WWC2: variants seen among roughly 807,000 people sequenced by gnomAD.
WWC2 encodes protein WWC2.
WWC2 carries 101 observed loss-of-function variants against 138.5 expected under a neutral mutation model. The observed-to-expected ratio is 0.73, with a 90% CI of 0.62 to 0.86. The LOEUF is 0.86. WWC2 is among the 40% of genes least tolerant of loss of function. The pLI is 0.00. For missense variants in WWC2, 1,420 were observed against 1,419.4 expected (o/e 1.00, Z -0.01); for synonymous variants, 558 against 538.4 (o/e 1.04, Z -0.50).
intron 21 of WWC2, among the ~76,000 whole-genome samples, chr4:183,296,933 CAAAAAAAAAAAAAAAAAAA>C (rs776211338): frequency 8.5e-5 from 6 of 70,766 alleles, no homozygotes; most frequent in Non-Finnish European, 1.2e-4. Flanking sequence ...GACTCCGTCT[CAAAAAAAAAAAAAAAAAAA>C]AAAAAAAAAA....
chr4:183,228,610 T>TA (rs777582872), intron 4 of WWC2, among the ~76,000 whole-genome samples: 1 of 152,118 alleles, frequency 6.6e-6, no homozygotes, highest in African/African-American at 2.4e-5. Flanking sequence ...GAAATTCATT[T>TA]AAAAAATAAC....
intron 6 of WWC2, among the ~76,000 whole-genome samples, chr4:183,246,994 A>T (rs2111326487): frequency 6.6e-6 from 1 of 152,338 alleles, no homozygotes; most frequent in African/African-American, 2.4e-5. Flanking sequence ...ATTAAATTAA[A>T]AGATTAGATC....
intron 1 of WWC2, among the ~76,000 whole-genome samples, chr4:183,118,045 A>G (rs894662299): frequency 2.7e-5 from 4 of 146,136 alleles, no homozygotes; most frequent in East Asian, 2.1e-4. Flanking sequence ...TGATCCACCC[A>G]CCTTGGCCTC....
At chr4:183,173,648 C>A (rs1017249875) in intron 1 of WWC2, among the ~76,000 whole-genome samples, 1 of 151,800 alleles carries the variant, frequency 6.6e-6, no homozygotes, top group Admixed American at 6.6e-5. Context: ...TCTCCCCTAC[C>A]TGGATGATCG....
In WWC2 at chr4:183,159,765, T is replaced by G. The variant is rs1360709713; in HGVS notation, c.132-33834T>G. On this transcript the variant is annotated intron_variant, in intron 1 of 22. Coordinates refer to ENST00000403733, the MANE Select transcript of WWC2 (RefSeq NM_024949.6). ...AATTGTTTACAATACATTAATTTTG[T>G]GGAGTAATGTATTTCAAAGCAAAAA... Among the ~76,000 whole-genome samples, 9 of 151,900 alleles carry G rather than the reference T, an allele frequency of 5.9e-5. No individual in the cohort carries two copies. In the East Asian group the frequency reaches 7.7e-4, roughly 13 times the overall value.
chr4:183,162,439 G>A (rs932407116), intron 1 of WWC2, among the ~76,000 whole-genome samples: 6 of 152,138 alleles, frequency 3.9e-5, no homozygotes, highest in African/African-American at 1.4e-4. Context: ...TGCAAAGCAA[G>A]GACTGCCTTT....
chr4:183,164,167 G>C (rs2111146553), intron 1 of WWC2, among the ~76,000 whole-genome samples: 1 of 150,950 alleles, frequency 6.6e-6, no homozygotes, highest in South Asian at 2.1e-4. Flanking sequence ...ATTTCATTTA[G>C]TAAGATTGCA....
intron 16 of WWC2, among the ~76,000 whole-genome samples, chr4:183,273,208 A>G (rs1737748282): frequency 7.0e-6 from 1 of 142,582 alleles, no homozygotes; most frequent in Non-Finnish European, 1.5e-5. Context: ...TGAGCATCAC[A>G]GCCTTATTGG....
chr4:183,311,952 C>A (rs1181156766), intron 21 of WWC2, among the ~76,000 whole-genome samples: 4 of 152,000 alleles, frequency 2.6e-5, no homozygotes, highest in Admixed American at 6.6e-5. Flanking sequence ...TAAAAAGGGT[C>A]AAAAAGATAA....
chr4:183,166,674 A>G (rs1734138765), intron 1 of WWC2, among the ~76,000 whole-genome samples: 1 of 152,216 alleles, frequency 6.6e-6, no homozygotes, highest in African/African-American at 2.4e-5. Flanking sequence ...TTGAATATGT[A>G]TAATGTGTGT....
chr4:183,149,380 T>C (rs77374717), intron 1 of WWC2, among the ~76,000 whole-genome samples: 1 of 152,174 alleles, frequency 6.6e-6, no homozygotes, highest in Non-Finnish European at 1.5e-5. Context: ...CCCAGCACTT[T>C]GGGAGGCCGA....
At chr4:183,213,989 G>T (rs1272570615) in intron 4 of WWC2, among the ~76,000 whole-genome samples, 1 of 151,332 alleles carries the variant, frequency 6.6e-6, no homozygotes, top group Admixed American at 6.6e-5. Flanking sequence ...ATTTTGTGGA[G>T]AAAGTTTTTG....
At chr4:183,219,673 A>G (rs1376924598) in intron 4 of WWC2, among the ~76,000 whole-genome samples, 1 of 152,226 alleles carries the variant, frequency 6.6e-6, no homozygotes, top group African/African-American at 2.4e-5. Context: ...GACTATTCAT[A>G]AAGTAGTGAC....
chr4:183,205,335 C>G (rs1408749360), intron 2 of WWC2, among the ~76,000 whole-genome samples: 4 of 152,204 alleles, frequency 2.6e-5, no homozygotes, highest in Non-Finnish European at 5.9e-5. Context: ...CTCCTTTCAT[C>G]TGCTTACTGG....
intron 1 of WWC2, among the ~76,000 whole-genome samples, chr4:183,167,818 T>G (rs1734166921): frequency 6.6e-6 from 1 of 151,754 alleles, no homozygotes; most frequent in Non-Finnish European, 1.5e-5. Context: ...AATGCCAGAC[T>G]AGATACCTTG....
intron 21 of WWC2, among the ~76,000 whole-genome samples, chr4:183,291,097 G>A (rs1321956053): frequency 6.6e-6 from 1 of 152,218 alleles, no homozygotes; most frequent in East Asian, 1.9e-4. Flanking sequence ...CCTTACATTT[G>A]CCACAGCAGT....
chr4:183,149,980 CTGGGTTGCTGGGATTTACTAGCTAT>C (rs889660732), intron 1 of WWC2, among the ~76,000 whole-genome samples: 7 of 152,156 alleles, frequency 4.6e-5, no homozygotes, highest in African/African-American at 1.7e-4. Context: ...CAGGAGGCTT[CTGGGTTGCTGGGATTTACTAGCTAT>C]GGGGTTCTCC....
chr4:183,149,613 ACT>A (rs765687034), intron 1 of WWC2, among the ~76,000 whole-genome samples: 6 of 146,594 alleles, frequency 4.1e-5, no homozygotes, highest in Non-Finnish European at 9.0e-5. Flanking sequence ...CAAGAGTGAA[ACT>A]CTGTCTAAAA....
At chr4:183,242,463 T>G (rs556754915) in intron 5 of WWC2, among the ~76,000 whole-genome samples, 1 of 152,368 alleles carries the variant, frequency 6.6e-6, no homozygotes, top group East Asian at 1.9e-4. Context: ...GGCATTGTTC[T>G]CTACGTTATT....
Sources: gnomAD v4.1 joint callset for allele counts (sites outside exome capture counted in the v4.1 genomes callset) on GRCh38, gnomAD v4.1.1 for gene constraint, MANE v1.5 for transcripts, NCBI Gene and HGNC (gene_info 2026-07-23, HGNC 2026-07-21) for gene names.